The following CYRIB variants were observed in gnomAD, a reference collection of about 807,000 sequenced individuals.
CYRIB encodes CYFIP related Rac1 interactor B.
A neutral mutation model predicts 44.2 loss-of-function variants in CYRIB; 8 were observed. The ratio of observed to expected loss-of-function variants is 0.18; its 90% CI spans 0.11 to 0.33. The LOEUF is 0.33. Among genes scored for constraint, CYRIB ranks in the 10% least tolerant of loss-of-function variants. CYRIB has a pLI of 1.00. For missense variants in CYRIB, 185 were observed against 382.8 expected, an observed-to-expected ratio of 0.48 and a Z score of 4.31; for synonymous variants, 131 against 127.2, an observed-to-expected ratio of 1.03 and a Z score of -0.20.
At chr8:129,964,696 C>A (rs2131882810) in intron 2 of CYRIB, among the ~76,000 whole-genome samples, 1 of 152,204 alleles carries the variant, frequency 6.6e-6, no homozygotes, top group East Asian at 1.9e-4. Flanking sequence ...CCAGCCTGGG[C>A]AAGATAGGGA....
chr8:129,978,859 G>A (rs2096076116), intron 1 of CYRIB, among the ~76,000 whole-genome samples: 1 of 152,140 alleles, frequency 6.6e-6, no homozygotes, highest in African/African-American at 2.4e-5. Context: ...ATGTTGGCCG[G>A]GTGCGGTGGC....
chr8:129,853,659 T>C (rs1374194509), intron 7 of CYRIB, among the ~76,000 whole-genome samples: 1 of 152,034 alleles, frequency 6.6e-6, no homozygotes, highest in Non-Finnish European at 1.5e-5. Context: ...TCCTTGGAGG[T>C]AGAAAAGAGT....
intron 4 of CYRIB, among the ~76,000 whole-genome samples, chr8:129,865,422 A>T (rs928106694): frequency 3.9e-5 from 6 of 152,216 alleles, no homozygotes; most frequent in African/African-American, 1.4e-4. Flanking sequence ...TGCTTTAGAC[A>T]TTTGCAGAGT....
At chr8:129,869,423 G>A (rs1284664098) in intron 4 of CYRIB, among the ~76,000 whole-genome samples, 1 of 147,680 alleles carries the variant, frequency 6.8e-6, no homozygotes, top group Non-Finnish European at 1.5e-5. Context: ...GTAATGAATA[G>A]TGTTTGTCTC....
At chr8:129,875,453 C>G (rs747263921) in intron 3 of CYRIB, among the ~76,000 whole-genome samples, 2 of 152,006 alleles carry the variant, frequency 1.3e-5, no homozygotes, top group Non-Finnish European at 2.9e-5. Context: ...TCAAGTGATC[C>G]TTTTGCTGTG....
In CYRIB at chr8:129,849,387, T is replaced by G; in HGVS notation, c.714-18A>C. ...TGTATTCCCTGAAGAGTAGATAAGA[T>G]ATGCATGGAAGAAGTGCATTACAAA... On this transcript the variant is annotated intron_variant, in intron 9 of 11. Transcript: ENST00000519824. 1.9e-6 allele frequency: 3 copies of G among 1,588,724 alleles called. No individual in the cohort carries two copies. The highest frequency in any genetic ancestry group is 2.6e-6 in the Non-Finnish European group (3 of 1,172,420).
chr8:129,905,579 T>G (rs949538868), intron 1 of CYRIB, among the ~76,000 whole-genome samples: 1 of 152,198 alleles, frequency 6.6e-6, no homozygotes, highest in Non-Finnish European at 1.5e-5. Context: ...AAAGCTTGCC[T>G]TGGATCAATA....
chr8:129,870,693 G>A (rs927890395), intron 4 of CYRIB, among the ~76,000 whole-genome samples: 7 of 152,246 alleles, frequency 4.6e-5, no homozygotes, highest in East Asian at 1.9e-4. Context: ...CACAGCACGG[G>A]CAATGGCTTC....
intron 9 of CYRIB, chr8:129,849,570 G>A (rs2042171420): frequency 6.7e-6 from 3 of 448,584 alleles, no homozygotes; most frequent in Non-Finnish European, 1.2e-5. Context: ...CCCTGAAAGG[G>A]ATATAAAATT....
At chr8:129,862,155 A>T (rs1278201035) in intron 5 of CYRIB, 74 bp downstream of exon 7, 2 of 1,135,536 alleles carry the variant, frequency 1.8e-6, no homozygotes, top group Non-Finnish European at 2.6e-6. Context: ...TGAACATAAA[A>T]AAACTCTAAA....
chr8:129,850,755 A>G lies in CYRIB; in HGVS notation c.713+80T>C, dbSNP rs934552407. 8 of 965,910 alleles carry G rather than the reference A, an allele frequency of 8.3e-6. No individual in the cohort carries two copies. The African/African-American group carries it at 9.8e-5, about 12-fold the overall frequency. The allele number at this position is 965,910 out of a possible 1,614,324, so 59.8% of individuals were successfully genotyped here. On this transcript the variant is annotated intron_variant, in intron 9 of 11. Coordinates refer to ENST00000519824, the Ensembl canonical transcript of CYRIB. ...CACCTTCCAGATAAAACATGTTAAC[A>G]TGTTCATATATGAACATGTTTTGAA... is the stretch of plus-strand genomic sequence containing the variant.
chr8:129,923,179 G>A (rs1178926198), intron 1 of CYRIB, among the ~76,000 whole-genome samples: 1 of 150,364 alleles, frequency 6.7e-6, no homozygotes, highest in East Asian at 2.0e-4. Flanking sequence ...GGAGGCAGAG[G>A]TTGTGGTGAG....
chr8:129,898,376 A>C (rs2069374747), intron 2 of CYRIB, among the ~76,000 whole-genome samples: 1 of 152,174 alleles, frequency 6.6e-6, no homozygotes, highest in African/African-American at 2.4e-5. Context: ...ACTGGAAAAA[A>C]CTTTTTTAAG....
chr8:129,974,131 A>G (rs73710985), intron 1 of CYRIB, among the ~76,000 whole-genome samples: 2 of 150,654 alleles, frequency 1.3e-5, no homozygotes, highest in African/African-American at 4.9e-5. Flanking sequence ...CCGACCCAAC[A>G]CTCCTCCCCA....
chr8:129,987,325 C>T (rs913950509), intron 1 of CYRIB, among the ~76,000 whole-genome samples: 2 of 152,130 alleles, frequency 1.3e-5, no homozygotes, highest in South Asian at 2.1e-4. Context: ...TGCAACATAA[C>T]GCTGACACAA....
At chr8:129,993,225 C>T (rs1040339554) in intron 1 of CYRIB, among the ~76,000 whole-genome samples, 1 of 150,834 alleles carries the variant, frequency 6.6e-6, no homozygotes, top group Non-Finnish European at 1.5e-5. Flanking sequence ...ACCCCCGTGC[C>T]TACTGAAAAT....
chr8:129,880,838 T>C (rs977268976), intron 2 of CYRIB, among the ~76,000 whole-genome samples: 3 of 152,222 alleles, frequency 2.0e-5, no homozygotes, highest in Admixed American at 6.5e-5. Flanking sequence ...TTTTAAATAA[T>C]AGGGATATTT....
chr8:129,927,895 G>C (rs1228261904), intron 1 of CYRIB, among the ~76,000 whole-genome samples: 2 of 152,146 alleles, frequency 1.3e-5, no homozygotes, highest in African/African-American at 4.8e-5. Context: ...CAATTCAGTA[G>C]AGGAAAGGAT....
At chr8:129,898,094 GTTT>G (rs34731759) in intron 2 of CYRIB, among the ~76,000 whole-genome samples, 2 of 146,746 alleles carry the variant, frequency 1.4e-5, no homozygotes, top group Non-Finnish European at 3.0e-5. Flanking sequence ...AAGTTTTTTT[GTTT>G]TTTTTTTTAA....
Sources: gnomAD v4.1 joint callset for allele counts (sites outside exome capture counted in the v4.1 genomes callset) on GRCh38, gnomAD v4.1.1 for gene constraint, MANE v1.5 for transcripts, NCBI Gene and HGNC (gene_info 2026-07-23, HGNC 2026-07-21) for gene names.